Variants in LTF observed in about 807,000 individuals in gnomAD.
The protein encoded by LTF is epididymis luminal protein 110.
A neutral mutation model predicts 87.2 loss-of-function variants in LTF; 91 were observed. The observed-to-expected ratio is 1.04, with a 90% CI of 0.88 to 1.24. LTF has a LOEUF of 1.24. Ranked by LOEUF, LTF falls within the 50% of genes most tolerant of loss-of-function variation. The probability of loss-of-function intolerance (pLI) is 0.00; values close to 1 mark genes in which losing one functional copy is unlikely to be tolerated. For missense variants in LTF, 901 were observed against 904.3 expected, an observed-to-expected ratio of 1.00 and a Z score of 0.05; for synonymous variants, 378 against 356.1, an observed-to-expected ratio of 1.06 and a Z score of -0.69.
chr3:46,456,105 T>G, intron 3 of LTF, 127 bp from the exon 4 acceptor site: 1 of 1,000,516 alleles, frequency 1.0e-6, no homozygotes, highest in East Asian at 2.6e-5. Flanking sequence ...CTCACGTGTG[T>G]CCTCCTCTCG....
chr3:46,446,254 G>A (rs986136737), intron 11 of LTF, among the ~76,000 whole-genome samples, 186 bp downstream of exon 11: 3 of 152,074 alleles, frequency 2.0e-5, no homozygotes, highest in Non-Finnish European at 4.4e-5. Flanking sequence ...CAAGTGTGAA[G>A]GTCAATATAA....
intron 16 of LTF, among the ~76,000 whole-genome samples, 179 bp from the exon 17 acceptor site, chr3:46,436,408 G>A (rs536979803): frequency 6.6e-6 from 1 of 152,270 alleles, no homozygotes; most frequent in Admixed American, 6.5e-5. Context: ...GGTGTTCAAG[G>A]GAGCCAGAGT....
intron 8 of LTF, among the ~76,000 whole-genome samples, 166 bp downstream of exon 8, chr3:46,449,688 T>G (rs1484594171): frequency 6.6e-6 from 1 of 152,226 alleles, no homozygotes; most frequent in African/African-American, 2.4e-5. Flanking sequence ...ACTATTCTTT[T>G]AGAGACACCT....
intron 6 of LTF, among the ~76,000 whole-genome samples, chr3:46,452,661 A>G (rs1702831578): frequency 6.6e-6 from 1 of 152,256 alleles, no homozygotes. Context: ...CAGTAACAAA[A>G]GCAGAAAAAA....
At chr3:46,440,898 A>G (rs1321915022) in intron 14 of LTF, among the ~76,000 whole-genome samples, 3 of 152,204 alleles carry the variant, frequency 2.0e-5, no homozygotes, top group Admixed American at 1.3e-4. Flanking sequence ...CTGGAAGATT[A>G]TCTTCCATCA....
At position 46,450,953 on chromosome 3, in the gene LTF, C is replaced by T. The variant is rs139684120; in HGVS notation, c.704-280G>A. On this transcript the variant is annotated intron_variant, in intron 6 of 16. Transcript: ENST00000231751. ...GCCTGGCAGGCCAGAGAGGCCAAAC[C>T]AGACCCGTCTGTTTCTGCGGCATCT... Among the ~76,000 whole-genome samples, 369 of 152,332 alleles carry T rather than the reference C, an allele frequency of 2.4e-3. 2 individuals carry two copies. The highest frequency in any genetic ancestry group is 8.3e-3 in the African/African-American group (345 of 41,572).
chr3:46,437,179 T>C (rs1702404315), intron 16 of LTF, among the ~76,000 whole-genome samples: 1 of 152,224 alleles, frequency 6.6e-6, no homozygotes, highest in Non-Finnish European at 1.5e-5. Context: ...TACAATACTC[T>C]GTGATGTCTT....
At chr3:46,443,146 C>G (rs996012999) in intron 13 of LTF, among the ~76,000 whole-genome samples, 12 of 152,236 alleles carry the variant, frequency 7.9e-5, no homozygotes, top group Admixed American at 2.6e-4. Context: ...ATACCACACT[C>G]TACCCATTTG....
At chr3:46,437,812 C>T (rs1480194588) in intron 16 of LTF, 128 bp downstream of exon 16, 1 of 713,640 alleles carries the variant, frequency 1.4e-6, no homozygotes, top group South Asian at 1.7e-5. Context: ...ATTTCCTGAA[C>T]TGTAAAGAGA....
chr3:46,443,339 C>T (rs1702568275), intron 13 of LTF, 102 bp downstream of exon 13: 2 of 1,412,866 alleles, frequency 1.4e-6, no homozygotes, highest in Non-Finnish European at 2.0e-6. Flanking sequence ...ATGACCCCCA[C>T]TCTGCTGTGA....
At position 46,455,372 on chromosome 3, in the gene LTF, G is replaced by A. The variant is rs763793896; in HGVS notation, c.570C>T (p.Arg190=). 3.7e-6 allele frequency: 6 copies of A among 1,614,230 alleles called. No individual in the cohort carries two copies. The South Asian group carries it at 5.5e-5, about 15-fold the overall frequency. Residue 190 remains arginine (R), a synonymous_variant, in exon 5 of 17, where the codon CGC becomes CGT. Transcript: ENST00000231751. ...ADKGQFPNLC[R]LCAGTGENKC... ...TGTTTTCCCCTGTCCCCGCACACAGGCGACACAGGTTGGGGAACTGTCCTT... is the reference window on the plus strand; with the variant it reads ...TGTTTTCCCCTGTCCCCGCACACAGACGACACAGGTTGGGGAACTGTCCTT...
intron 2 of LTF, 57 bp downstream of exon 2, chr3:46,459,599 C>T (rs1333570877): frequency 1.5e-5 from 21 of 1,356,380 alleles, no homozygotes; most frequent in Non-Finnish European, 2.0e-5. Flanking sequence ...TATCTTTTTC[C>T]ATTTCTCTCT....
chr3:46,472,019 C>A (rs754178085), intron 1 of LTF, among the ~76,000 whole-genome samples: 9 of 152,154 alleles, frequency 5.9e-5, no homozygotes, highest in Non-Finnish European at 1.0e-4. Flanking sequence ...TCCTTGGCAG[C>A]CCAGGGCCTC....
intron 1 of LTF, among the ~76,000 whole-genome samples, chr3:46,470,792 A>T (rs530768250): frequency 7.9e-5 from 12 of 152,332 alleles, no homozygotes; most frequent in Non-Finnish European, 1.0e-4. Flanking sequence ...CCCTGGACCT[A>T]GGTCAGTCTC....
chr3:46,448,826 C>T (rs754601475), intron 9 of LTF, 37 bp downstream of exon 9: 5 of 1,603,352 alleles, frequency 3.1e-6, no homozygotes, highest in East Asian at 2.3e-5. Context: ...GGTCTTCCAC[C>T]GGGCCCACCG....
intron 2 of LTF, among the ~76,000 whole-genome samples, chr3:46,456,695 T>G (rs1702945462): frequency 6.6e-6 from 1 of 152,270 alleles, no homozygotes; most frequent in Non-Finnish European, 1.5e-5. Context: ...TCGTTTGTTC[T>G]AGATACTTTC....
In LTF at chr3:46,447,346, C is replaced by T; in HGVS notation, c.1265G>A (p.Gly422Asp). ...CAGGACAGGCACCAAACCACATTTG[C>T]CTGCAGTGTACACATATCCTCCATC... is the stretch of plus-strand genomic sequence containing the variant. ...SLDGGYVYTA[G>D]KCGLVPVLAE... is the part of the protein sequence containing the mutation. Residue 422 changes from glycine (G) to aspartate (D), a missense_variant, in exon 10 of 17, where the codon GGC becomes GAC. By Grantham distance (94) the Gly-to-Asp change is moderately conservative. Transcript: ENST00000231751. 6.2e-7 allele frequency: 1 copy of T among 1,614,198 alleles called. No homozygotes were observed. The highest frequency in any genetic ancestry group is 1.1e-5 in the South Asian group (1 of 91,080).
At chr3:46,464,762 C>CTA in intron 1 of LTF, 63 bp downstream of exon 1, 1 of 1,587,106 alleles carries the variant, frequency 6.3e-7, no homozygotes, top group South Asian at 1.1e-5. Flanking sequence ...ACCAAAGCGC[C>CTA]TAGCAGACAG....
intron 8 of LTF, 49 bp from the exon 9 acceptor site, chr3:46,449,066 G>A: frequency 2.6e-6 from 4 of 1,557,218 alleles, no homozygotes; most frequent in Non-Finnish European, 3.5e-6. Flanking sequence ...GCTTTGCCAG[G>A]TTGTCCAACC....
Sources: allele counts gnomAD v4.1 joint callset (sites outside exome capture counted in the v4.1 genomes callset), GRCh38; gene constraint gnomAD v4.1.1; transcripts MANE v1.5; gene names NCBI Gene and HGNC (gene_info 2026-07-23, HGNC 2026-07-21).